DIP2C: variants seen among roughly 807,000 people sequenced by gnomAD.
The protein encoded by DIP2C is disco-interacting protein 2 homolog C.
In DIP2C, 33 loss-of-function variants were observed where a neutral mutation model predicts 192.4. The observed-to-expected ratio is 0.17, with a 90% CI of 0.13 to 0.23. The LOEUF is 0.23. DIP2C is among the 10% of genes least tolerant of loss of function. The probability of loss-of-function intolerance (pLI) is 1.00; values close to 1 mark genes in which losing one functional copy is unlikely to be tolerated. For synonymous variants in DIP2C, 979 were observed against 864.1 expected, an observed-to-expected ratio of 1.13 and a Z score of -2.33; for missense variants, 1,537 against 2,110.1, an observed-to-expected ratio of 0.73 and a Z score of 5.32.
At chr10:565,871 T>C (rs552416365) in intron 1 of DIP2C, among the ~76,000 whole-genome samples, 3 of 152,226 alleles carry the variant, frequency 2.0e-5, no homozygotes, top group Non-Finnish European at 4.4e-5. Context: ...AGGAAACCAC[T>C]GACCAGCACT....
At chr10:447,933 G>T (rs1209954357) in intron 3 of DIP2C, among the ~76,000 whole-genome samples, 1 of 119,028 alleles carries the variant, frequency 8.4e-6, no homozygotes, top group Non-Finnish European at 1.6e-5. Context: ...CTATACTCAG[G>T]ATCACACACA....
chr10:374,677 T>G (rs1961360848), intron 17 of DIP2C, among the ~76,000 whole-genome samples: 1 of 152,208 alleles, frequency 6.6e-6, no homozygotes, highest in South Asian at 2.1e-4. Flanking sequence ...AAAACACCAT[T>G]TGTTGGTCCA....
chr10:644,548 C>T (rs999636691), intron 1 of DIP2C, among the ~76,000 whole-genome samples: 10 of 152,278 alleles, frequency 6.6e-5, no homozygotes, highest in South Asian at 4.1e-4. Context: ...TTCTGCCTGA[C>T]GCCCCCACTT....
intron 1 of DIP2C, among the ~76,000 whole-genome samples, chr10:570,921 C>T (rs1011869210): frequency 3.3e-5 from 5 of 152,228 alleles, no homozygotes; most frequent in African/African-American, 1.2e-4. Flanking sequence ...TCCCCCTCCT[C>T]GCCAGGCTCT....
intron 22 of DIP2C, among the ~76,000 whole-genome samples, chr10:360,799 T>C (rs184915969): frequency 3.2e-4 from 49 of 152,362 alleles, no homozygotes; most frequent in African/African-American, 1.1e-3. Context: ...TGAGTAAATA[T>C]GAATTCATGC....
intron 1 of DIP2C, among the ~76,000 whole-genome samples, chr10:606,533 CCTG>C (rs1166813248): frequency 1.3e-5 from 2 of 150,324 alleles, no homozygotes; most frequent in Admixed American, 6.6e-5. Context: ...GCCGTAATTA[CCTG>C]CTGTGATCCG....
intron 1 of DIP2C, among the ~76,000 whole-genome samples, chr10:598,603 C>A (rs545786874): frequency 9.2e-5 from 14 of 152,036 alleles, no homozygotes; most frequent in African/African-American, 3.4e-4. Context: ...CCCCTCCTAG[C>A]TTCAGAGGCT....
chr10:689,579 G>A lies in DIP2C; in HGVS notation c.-1C>T, dbSNP rs924999429. 7 of 1,173,984 alleles carry A rather than the reference G, an allele frequency of 6.0e-6. No homozygotes were observed. The highest frequency in any genetic ancestry group is 7.4e-6 in the Non-Finnish European group (7 of 945,276). The allele number at this position is 1,173,984 out of a possible 1,614,324, so 72.7% of individuals were successfully genotyped here. A position where few individuals can be genotyped will look rare whatever the true frequency, so the allele number is the denominator to read the frequency against. ...TGCCCTCCAGGCTGCGGTCCGCCAT[G>A]CTCCGCGGGCGCCGCGCCCCGCACG... On this transcript the variant is annotated 5_prime_UTR_variant, in exon 1 of 37. Transcript: ENST00000280886. The surrounding 1 kb of genome is among the most constrained non-coding windows in gnomAD (Gnocchi z 6.1).
At chr10:494,840 A>T (rs1588294704) in intron 1 of DIP2C, among the ~76,000 whole-genome samples, 1 of 152,218 alleles carries the variant, frequency 6.6e-6, no homozygotes, top group Non-Finnish European at 1.5e-5. Context: ...GCATCTTCCA[A>T]AACTAGAAAC....
At chr10:450,364 T>C (rs1968757482) in intron 3 of DIP2C, among the ~76,000 whole-genome samples, 1 of 152,242 alleles carries the variant, frequency 6.6e-6, no homozygotes, top group Non-Finnish European at 1.5e-5. Context: ...TTGACTCACT[T>C]CTACAGATTT....
intron 1 of DIP2C, among the ~76,000 whole-genome samples, chr10:637,489 A>T (rs1222765303): frequency 6.6e-6 from 1 of 152,196 alleles, no homozygotes; most frequent in East Asian, 1.9e-4. Context: ...TGGTTCACAG[A>T]CGGCGCCTTC....
intron 10 of DIP2C, among the ~76,000 whole-genome samples, chr10:393,158 T>C (rs543570275): frequency 6.6e-6 from 1 of 152,128 alleles, no homozygotes; most frequent in African/African-American, 2.4e-5. Flanking sequence ...CTCAGGAAAG[T>C]GAATAAAAAG....
In DIP2C at chr10:281,235, G is replaced by A. The variant is rs1266332546; in HGVS notation, c.4383C>T (p.Thr1461=). The A allele has an allele frequency of 1.2e-6, 2 of 1,614,142 alleles. No individual in the cohort carries two copies. The highest frequency in any genetic ancestry group is 1.1e-5 in the South Asian group (1 of 91,080). The change falls in exon 36 of 37, where the codon ACC becomes ACT. Residue 1461 remains threonine (T), a synonymous_variant. Coordinates refer to ENST00000280886, the MANE Select transcript of DIP2C (RefSeq NM_014974.3). Reference sequence around the variant, plus strand: ...CGCTTTTATGGGCTCTGATGACCGAGGTCTCAATGTCGATTGGGTGGTACC... The same window carrying A: ...CGCTTTTATGGGCTCTGATGACCGAAGTCTCAATGTCGATTGGGTGGTACC... ...GMRYHPIDIE[T]SVIRAHKSVT...
At chr10:357,995 G>C (rs891286271) in intron 22 of DIP2C, 58 bp from the exon 23 acceptor site, 22 of 1,337,688 alleles carry the variant, frequency 1.6e-5, no homozygotes, top group Non-Finnish European at 2.0e-5. Context: ...CTTCAGACTA[G>C]ACCTCCCACT....
intron 1 of DIP2C, among the ~76,000 whole-genome samples, chr10:585,737 C>G (rs928260853): frequency 1.4e-4 from 22 of 152,102 alleles, no homozygotes; most frequent in Non-Finnish European, 2.4e-4. Context: ...CAAGGTACAA[C>G]CAGGAAGATC....
intron 1 of DIP2C, among the ~76,000 whole-genome samples, chr10:639,823 G>A (rs1855064352): frequency 6.6e-6 from 1 of 152,184 alleles, no homozygotes; most frequent in African/African-American, 2.4e-5. Context: ...TCACTAGAAC[G>A]TGTTTTGGAC....
At chr10:607,311 G>A (rs1852563895) in intron 1 of DIP2C, among the ~76,000 whole-genome samples, 1 of 151,502 alleles carries the variant, frequency 6.6e-6, no homozygotes, top group Non-Finnish European at 1.5e-5. Context: ...CTGCCCTCGA[G>A]AGCAGCTGAT....
chr10:391,440 C>T (rs959963474), intron 10 of DIP2C, among the ~76,000 whole-genome samples: 5 of 152,238 alleles, frequency 3.3e-5, no homozygotes, highest in Admixed American at 2.6e-4. Context: ...CAGGCCACTG[C>T]TGTGCAGCCC....
intron 1 of DIP2C, among the ~76,000 whole-genome samples, chr10:622,740 G>A (rs752602402): frequency 8.5e-5 from 13 of 152,118 alleles, no homozygotes; most frequent in Non-Finnish European, 1.5e-4. Flanking sequence ...CGTTCTTCAC[G>A]TTCTAAATGT....
Sources: allele counts gnomAD v4.1 joint callset (sites outside exome capture counted in the v4.1 genomes callset), GRCh38; gene constraint gnomAD v4.1.1; non-coding constraint Gnocchi (gnomAD v3.1); transcripts MANE v1.5; gene names NCBI Gene and HGNC (gene_info 2026-07-23, HGNC 2026-07-21).